Variants in AR observed in about 807,000 individuals in gnomAD.
AR encodes the protein androgen receptor, also known as dihydrotestosterone receptor.
A neutral mutation model predicts 53.9 loss-of-function variants in AR; 8 were observed. The observed-to-expected ratio is 0.15, with a 90% CI of 0.09 to 0.27. The LOEUF (loss-of-function observed/expected upper bound fraction) is 0.27, where lower values mean the gene tolerates loss of function less well. AR is among the 10% of genes least tolerant of loss of function. The pLI, the probability that AR is intolerant of heterozygous loss-of-function variation, is 1.00. For missense variants in AR, 639 were observed against 742.5 expected (o/e 0.86, Z 1.62); for synonymous variants, 359 against 316.4 (o/e 1.13, Z -1.43).
At chrX:67,604,329 G>A (rs759471015) in intron 1 of AR, among the ~76,000 whole-genome samples, 9 of 107,684 alleles carry the variant, frequency 8.4e-5, no homozygotes, top group Admixed American at 3.0e-4. Flanking sequence ...GCACTCACCC[G>A]TTCCAAGAGG....
intron 3 of AR, among the ~76,000 whole-genome samples, chrX:67,696,854 A>G (rs1276849706): frequency 9.0e-6 from 1 of 111,556 alleles, no homozygotes; most frequent in East Asian, 2.8e-4. Context: ...AACCCGATGA[A>G]ATATAAAGAG....
chrX:67,695,807 ACTCT>A lies in AR; in HGVS notation c.1885+9693_1885+9696del, dbSNP rs758632822. ...CTCTCTCCCCCCCCAACACACACAC[ACTCT>A]CTCTCTCTCTCACACACACACACAT... On this transcript the variant is annotated intron_variant, in intron 3 of 7. Coordinates refer to ENST00000374690, the MANE Select transcript of AR (RefSeq NM_000044.6). 406 of 666,574 alleles carry A rather than the reference ACTCT, an allele frequency of 6.1e-4. No homozygotes were observed. The African/African-American group carries it at 8.1e-3, about 13-fold the overall frequency. The allele number at this position is 666,574 out of a possible 1,213,427, so 54.9% of individuals were successfully genotyped here.
At chrX:67,557,590 C>A (rs1292678265) in intron 1 of AR, among the ~76,000 whole-genome samples, 3 of 111,761 alleles carry the variant, frequency 2.7e-5, no homozygotes, top group African/African-American at 9.8e-5. Context: ...CCTCTCCCCT[C>A]TTTCCTTTTA....
intron 1 of AR, 65 bp from the exon 2 acceptor site, chrX:67,643,191 G>A (rs1925876051): frequency 8.6e-7 from 1 of 1,164,660 alleles, no homozygotes; most frequent in Non-Finnish European, 1.2e-6. Flanking sequence ...GAAGACCTGA[G>A]ACTTCACTTG....
chrX:67,659,222 CT>C (rs200002193), intron 2 of AR, among the ~76,000 whole-genome samples: 15 of 106,194 alleles, frequency 1.4e-4, no homozygotes, highest in East Asian at 1.2e-3. Flanking sequence ...ATTTCTCTTA[CT>C]TTTTTTTTTA....
intron 1 of AR, among the ~76,000 whole-genome samples, chrX:67,573,040 A>T (rs1921896530): frequency 9.0e-6 from 1 of 111,643 alleles, no homozygotes; most frequent in South Asian, 3.7e-4. Flanking sequence ...GGGTCCTACC[A>T]CTAGAATGTG....
At chrX:67,669,552 G>A (rs1263643147) in intron 2 of AR, among the ~76,000 whole-genome samples, 1 of 111,598 alleles carries the variant, frequency 9.0e-6, no homozygotes, top group Non-Finnish European at 1.9e-5. Context: ...ATATCTATTA[G>A]GTCCATTTAA....
intron 2 of AR, among the ~76,000 whole-genome samples, chrX:67,657,502 C>A (rs575498957): frequency 2.7e-5 from 3 of 111,728 alleles, no homozygotes; most frequent in African/African-American, 9.8e-5. Context: ...ACTTACAGTT[C>A]TCTTTCCTCC....
intron 3 of AR, among the ~76,000 whole-genome samples, chrX:67,706,702 T>C: frequency 9.0e-6 from 1 of 111,689 alleles, no homozygotes; most frequent in Non-Finnish European, 1.9e-5. Context: ...TTTGAATGTG[T>C]TTGCTCTTCC....
At chrX:67,634,708 G>T (rs773039923) in intron 1 of AR, among the ~76,000 whole-genome samples, 230 of 111,432 alleles carry the variant, frequency 2.1e-3, no homozygotes, top group African/African-American at 6.8e-3. Flanking sequence ...CCTATCTTAA[G>T]CCATTACTTC....
chrX:67,673,404 A>C (rs1421649099), intron 2 of AR, among the ~76,000 whole-genome samples: 1 of 103,182 alleles, frequency 9.7e-6, no homozygotes, highest in East Asian at 3.0e-4. Flanking sequence ...TCTTAAGGCC[A>C]ATAACTTTTA....
At position 67,546,471 on chromosome X, in the gene AR, A is replaced by T. The variant is rs772400835; in HGVS notation, c.1325A>T (p.Glu442Val). ...SSSWHTLFTA[E>V]EGQLYGPCGG... is the part of the protein sequence containing the mutation. ...TCCTGGCACACTCTCTTCACAGCCG[A>T]AGAAGGCCAGTTGTATGGACCGTGT... The change falls in exon 1 of 8, where the codon GAA (glutamate) becomes GTA (valine). Residue 442 changes from glutamate (E) to valine (V), a missense_variant. Physicochemically the swap from Glu to Val is moderately radical, Grantham distance 121. Coordinates refer to ENST00000374690, the MANE Select transcript of AR (RefSeq NM_000044.6). 8.5e-7 allele frequency: 1 copy of T among 1,172,293 alleles called. No individual in the cohort carries two copies. The highest frequency in any genetic ancestry group is 1.1e-6 in the Non-Finnish European group (1 of 876,665).
In AR at chrX:67,721,823, T is replaced by C. The variant is rs778237501; in HGVS notation, c.2319-10T>C. 6 of 1,210,851 alleles carry C rather than the reference T, an allele frequency of 5.0e-6. No homozygotes were observed. The East Asian group carries it at 1.8e-4, about 36-fold the overall frequency. ...CTCATTCCTTTTTCCTCTGTGTATC[T>C]CCTTCCCAGGTACCGCATGCACAAG... On this transcript the variant is annotated splice_polypyrimidine_tract_variant and intron_variant, in intron 5 of 7. Transcript: ENST00000374690.
chrX:67,627,426 C>T (rs1602203447), intron 1 of AR, among the ~76,000 whole-genome samples: 1 of 112,192 alleles, frequency 8.9e-6, no homozygotes, highest in Non-Finnish European at 1.9e-5. Context: ...GCATAAATGT[C>T]TTCTTTTTAG....
chrX:67,667,398 C>A (rs911408862), intron 2 of AR, among the ~76,000 whole-genome samples: 2 of 111,042 alleles, frequency 1.8e-5, no homozygotes, highest in African/African-American at 3.3e-5. Flanking sequence ...GTTCTCTGTT[C>A]TGTTCCATTG....
intron 1 of AR, among the ~76,000 whole-genome samples, chrX:67,638,630 G>A (rs1365704541): frequency 1.8e-5 from 2 of 112,025 alleles, no homozygotes; most frequent in Non-Finnish European, 3.8e-5. Flanking sequence ...CTTTTGAGAA[G>A]TGCCTGTTCA....
At chrX:67,564,181 C>T (rs930870835) in intron 1 of AR, among the ~76,000 whole-genome samples, 4 of 111,607 alleles carry the variant, frequency 3.6e-5, no homozygotes, top group East Asian at 2.8e-4. Context: ...AGTTGTGTCT[C>T]GGAGCAGCTC....
intron 2 of AR, among the ~76,000 whole-genome samples, chrX:67,670,460 G>A (rs1363717811): frequency 9.6e-6 from 1 of 104,182 alleles, no homozygotes; most frequent in Non-Finnish European, 2.0e-5. Context: ...GAAAGTAAAG[G>A]AATGAAAAAG....
At chrX:67,619,596 G>A (rs1179389140) in intron 1 of AR, among the ~76,000 whole-genome samples, 1 of 110,802 alleles carries the variant, frequency 9.0e-6, no homozygotes, top group African/African-American at 3.3e-5. Flanking sequence ...TGCTGTATGT[G>A]GGTCTTGGGC....
Sources: gnomAD v4.1 joint callset for allele counts (sites outside exome capture counted in the v4.1 genomes callset) on GRCh38, gnomAD v4.1.1 for gene constraint, MANE v1.5 for transcripts, NCBI Gene and HGNC (gene_info 2026-07-23, HGNC 2026-07-21) for gene names.